Variants in KIRREL3 observed in about 807,000 individuals in gnomAD.
KIRREL3 encodes kirre like nephrin family adhesion molecule 3, also known as kin of IRRE-like protein 3.
A neutral mutation model predicts 89.7 loss-of-function variants in KIRREL3; 36 were observed. That is an observed-to-expected ratio of 0.40 (90% CI 0.31 to 0.53). KIRREL3 has a LOEUF of 0.53. KIRREL3 is among the 20% of genes least tolerant of loss of function. The pLI is 0.49. For synonymous variants in KIRREL3, 445 were observed against 441.4 expected, an observed-to-expected ratio of 1.01 and a Z score of -0.10; for missense variants, 864 against 1,056.6, an observed-to-expected ratio of 0.82 and a Z score of 2.53.
Position 126,614,945 on chromosome 11 carries a change from A to G in KIRREL3, c.56-52033T>C, listed in dbSNP as rs1943282338. Among the ~76,000 whole-genome samples the G allele has an allele frequency of 6.6e-6, 1 of 151,998 alleles. No individual in the cohort carries two copies. The highest frequency in any genetic ancestry group is 2.1e-4 in the South Asian group (1 of 4,814). ...TCATGTAGAGAGATAAGGTAGGCTT[A>G]TTATTTTTCGAGTGGAACTGGGACT... On this transcript the variant is annotated intron_variant, in intron 1 of 16. Transcript: ENST00000525144. The surrounding 1 kb of genome is among the most constrained non-coding windows in gnomAD (Gnocchi z 4.6).
chr11:126,637,663 C>T (rs1482321177), intron 1 of KIRREL3, among the ~76,000 whole-genome samples: 3 of 152,132 alleles, frequency 2.0e-5, no homozygotes, highest in Admixed American at 6.5e-5. Context: ...AATGGAGAAC[C>T]TAAGAGAACC....
chr11:126,481,829 AC>A (rs1428265221), intron 4 of KIRREL3, among the ~76,000 whole-genome samples: 1 of 152,160 alleles, frequency 6.6e-6, no homozygotes, highest in East Asian at 1.9e-4. Context: ...CCAGTAATTC[AC>A]CCACCATGTG....
At position 126,607,377 on chromosome 11, in the gene KIRREL3, G is replaced by A. The variant is rs1316927347; in HGVS notation, c.56-44465C>T. Among the ~76,000 whole-genome samples, 1 of 152,100 alleles carries A rather than the reference G, an allele frequency of 6.6e-6. No individual in the cohort carries two copies. Among genetic ancestry groups the A allele is most frequent in the Non-Finnish European group, 1.5e-5 (1 of 68,034 alleles). ...TCTAATGTGAATATGAGTACTCTTG[G>A]CTGGGAGAGGAAGGGCTGGAGGAGA... On this transcript the variant is annotated intron_variant, in intron 1 of 16. Coordinates refer to ENST00000525144, the MANE Select transcript of KIRREL3 (RefSeq NM_032531.4). The surrounding 1 kb of genome is among the most constrained non-coding windows in gnomAD (Gnocchi z 6.6).
rs1055157685 is a variant in KIRREL3 at position 126,981,149 on chromosome 11, G to A, written c.55+19306C>T. Among the ~76,000 whole-genome samples the A allele has an allele frequency of 1.3e-5, 2 of 152,152 alleles. No individual in the cohort carries two copies. The highest frequency in any genetic ancestry group is 4.8e-5 in the African/African-American group (2 of 41,430). ...ATATTTGAAGCCTAATACCACAAACGTACCTCTCTGGACAAACTGTCACCT... is the reference window on the plus strand; with the variant it reads ...ATATTTGAAGCCTAATACCACAAACATACCTCTCTGGACAAACTGTCACCT... On this transcript the variant is annotated intron_variant, in intron 1 of 16. Coordinates refer to ENST00000525144, the MANE Select transcript of KIRREL3 (RefSeq NM_032531.4). The surrounding 1 kb of genome is among the most constrained non-coding windows in gnomAD (Gnocchi z 4.2).
At chr11:126,448,306 TAAAAA>T (rs1955902861) in intron 8 of KIRREL3, among the ~76,000 whole-genome samples, 1 of 123,656 alleles carries the variant, frequency 8.1e-6, no homozygotes, top group African/African-American at 3.1e-5. Flanking sequence ...AAAAAAGAAA[TAAAAA>T]GAAAAAGAAG....
chr11:126,638,272 C>T (rs1323966667), intron 1 of KIRREL3, among the ~76,000 whole-genome samples: 4 of 152,184 alleles, frequency 2.6e-5, no homozygotes, highest in African/African-American at 7.2e-5. Context: ...GGAATAGAAA[C>T]ACCTTGCTTG....
rs1943688553 is a variant in KIRREL3, at chr11:126,624,219, G to A, written c.56-61307C>T. 6.6e-6 allele frequency among the ~76,000 whole-genome samples: 1 copy of A among 152,172 alleles called. No individual in the cohort carries two copies. Among genetic ancestry groups the A allele is most frequent in the Admixed American group, 6.5e-5 (1 of 15,282 alleles). ...CAGGGGGTGGCGGTGTGGCGGGGAG[G>A]AGGCCAGAATGAAAGATAGGAGGAT... On this transcript the variant is annotated intron_variant, in intron 1 of 16. Coordinates refer to ENST00000525144, the MANE Select transcript of KIRREL3 (RefSeq NM_032531.4). This position sits in a 1 kb window ranked among gnomAD's most constrained non-coding sequence, Gnocchi z 6.0.
At chr11:126,982,868 G>A (rs1433826738) in intron 1 of KIRREL3, among the ~76,000 whole-genome samples, 2 of 152,150 alleles carry the variant, frequency 1.3e-5, no homozygotes, top group Admixed American at 1.3e-4. Context: ...GGAGGCCAAG[G>A]TCTATAGTAT....
chr11:126,637,259 A>G (rs1398019420), intron 1 of KIRREL3, among the ~76,000 whole-genome samples: 1 of 152,202 alleles, frequency 6.6e-6, no homozygotes, highest in African/African-American at 2.4e-5. Flanking sequence ...ATTTCAGAGT[A>G]ACTGGGAAAA....
chr11:126,616,363 T>C (rs908774804), intron 1 of KIRREL3, among the ~76,000 whole-genome samples: 14 of 152,152 alleles, frequency 9.2e-5, no homozygotes, highest in African/African-American at 3.1e-4. Flanking sequence ...TGTGCGTTCT[T>C]CTTAAACACA....
chr11:126,839,952 T>C (rs1449970362), intron 1 of KIRREL3, among the ~76,000 whole-genome samples: 2 of 152,166 alleles, frequency 1.3e-5, no homozygotes, highest in African/African-American at 4.8e-5. Flanking sequence ...ACAGAGTGCA[T>C]TCTATACTCT....
At chr11:126,982,906 C>G (rs951714799) in intron 1 of KIRREL3, among the ~76,000 whole-genome samples, 13 of 152,166 alleles carry the variant, frequency 8.5e-5, no homozygotes, top group Non-Finnish European at 1.3e-4. Flanking sequence ...ATACTCTAGA[C>G]TAATAAAGCC....
Position 126,455,193 on chromosome 11 carries a change from C to T in KIRREL3, c.848+1156G>A, listed in dbSNP as rs534483646. ...CCTGGGCTCCACCACTAAGCCTGGT[C>T]TGGTGGAAAGAGACCAGGCTGAGTC... On this transcript the variant is annotated intron_variant, in intron 7 of 16. Coordinates refer to ENST00000525144, the MANE Select transcript of KIRREL3 (RefSeq NM_032531.4). The surrounding 1 kb of genome is among the most constrained non-coding windows in gnomAD (Gnocchi z 6.4). 6.6e-6 allele frequency among the ~76,000 whole-genome samples: 1 copy of T among 152,322 alleles called. No homozygotes were observed. Among genetic ancestry groups the T allele is most frequent in the South Asian group, 2.1e-4 (1 of 4,832 alleles).
chr11:126,598,100 T>A (rs1942485395), intron 1 of KIRREL3, among the ~76,000 whole-genome samples: 1 of 152,190 alleles, frequency 6.6e-6, no homozygotes, highest in Non-Finnish European at 1.5e-5. Context: ...TTTCCTGGAG[T>A]TCTTGGCTCA....
chr11:126,923,242 T>TCTCTTTCTC (rs1947512588), intron 1 of KIRREL3, among the ~76,000 whole-genome samples: 1 of 58,922 alleles, frequency 1.7e-5, no homozygotes, highest in African/African-American at 6.6e-5. Context: ...TTCTTCTTCT[T>TCTCTTTCTC]CTTCTTCTTC....
chr11:126,482,914 C>A (rs900428114), intron 4 of KIRREL3, among the ~76,000 whole-genome samples: 2 of 152,260 alleles, frequency 1.3e-5, no homozygotes, highest in Admixed American at 1.3e-4. Flanking sequence ...ATTGCTGACT[C>A]ACAGTTTTGG....
rs1446877463 is a variant in KIRREL3 at position 126,876,474 on chromosome 11, G to C, written c.55+123981C>G. On this transcript the variant is annotated intron_variant, in intron 1 of 16. Coordinates refer to ENST00000525144, the MANE Select transcript of KIRREL3 (RefSeq NM_032531.4). This position sits in a 1 kb window ranked among gnomAD's most constrained non-coding sequence, Gnocchi z 4.1. Reference sequence around the variant, plus strand: ...AGTGGGGACACACTGTGCTATCCCTGCTCACTGTTGCACCTGATACACCTA... The same window carrying C: ...AGTGGGGACACACTGTGCTATCCCTCCTCACTGTTGCACCTGATACACCTA... Among the ~76,000 whole-genome samples, 1 of 151,920 alleles carries C rather than the reference G, an allele frequency of 6.6e-6. No homozygotes were observed. The highest frequency in any genetic ancestry group is 1.5e-5 in the Non-Finnish European group (1 of 67,996).
At position 126,541,748 on chromosome 11, in the gene KIRREL3, G is replaced by T. The variant is rs1207464381; in HGVS notation, c.134-15061C>A. ...TTCTGGGCCACATCCTAAGGGCACTGTTGTGTGCCCACAGCACGGGCTTGT... is the reference window on the plus strand; with the variant it reads ...TTCTGGGCCACATCCTAAGGGCACTTTTGTGTGCCCACAGCACGGGCTTGT... On this transcript the variant is annotated intron_variant, in intron 2 of 16. Transcript: ENST00000525144. This position sits in a 1 kb window ranked among gnomAD's most constrained non-coding sequence, Gnocchi z 4.8. 6.6e-6 allele frequency among the ~76,000 whole-genome samples: 1 copy of T among 152,080 alleles called. No individual in the cohort carries two copies. The highest frequency in any genetic ancestry group is 1.5e-5 in the Non-Finnish European group (1 of 68,030).
At position 126,976,934 on chromosome 11, in the gene KIRREL3, T is replaced by C. The variant is rs1191500238; in HGVS notation, c.55+23521A>G. On this transcript the variant is annotated intron_variant, in intron 1 of 16. Coordinates refer to ENST00000525144, the MANE Select transcript of KIRREL3 (RefSeq NM_032531.4). This position sits in a 1 kb window ranked among gnomAD's most constrained non-coding sequence, Gnocchi z 4.2. The stretch of plus-strand genomic sequence containing the variant: ...TCCCCTATCTCAAGTTTTAATTCCT[T>C]CTCAATTCAGCTGATCGTCCCTCAA... Among the ~76,000 whole-genome samples, 1 of 152,062 alleles carries C rather than the reference T, an allele frequency of 6.6e-6. No individual in the cohort carries two copies. The highest frequency in any genetic ancestry group is 2.4e-5 in the African/African-American group (1 of 41,380).
Sources: allele counts gnomAD v4.1 joint callset (sites outside exome capture counted in the v4.1 genomes callset), GRCh38; gene constraint gnomAD v4.1.1; non-coding constraint Gnocchi (gnomAD v3.1); transcripts MANE v1.5; gene names NCBI Gene and HGNC (gene_info 2026-07-23, HGNC 2026-07-21).